DAB2: variants seen among roughly 807,000 people sequenced by gnomAD.
DAB2 encodes DAB adaptor protein 2.
DAB2 carries 28 observed loss-of-function variants against 71.6 expected under a neutral mutation model. That is an observed-to-expected ratio of 0.39 (90% confidence interval 0.29 to 0.54). The LOEUF (loss-of-function observed/expected upper bound fraction) is 0.54. DAB2 is among the 20% of genes least tolerant of loss of function. The pLI, the probability that DAB2 is intolerant of heterozygous loss-of-function variation, is 0.68. For missense variants in DAB2, 867 were observed against 928.8 expected, an observed-to-expected ratio of 0.93 and a Z score of 0.86; for synonymous variants, 345 against 339.7, an observed-to-expected ratio of 1.02 and a Z score of -0.17.
intron 1 of DAB2, among the ~76,000 whole-genome samples, chr5:39,423,032 T>C (rs2112121051): frequency 6.6e-6 from 1 of 152,308 alleles, no homozygotes; most frequent in Admixed American, 6.5e-5. Flanking sequence ...CATACGTGTA[T>C]GGGCTCAAAG....
intron 7 of DAB2, 76 bp from the exon 8 acceptor site, chr5:39,388,928 C>A (rs2112050719): frequency 7.3e-7 from 1 of 1,374,030 alleles, no homozygotes; most frequent in African/African-American, 1.4e-5. Context: ...TATTAGTCTG[C>A]TAAGCAGCAA....
intron 1 of DAB2, among the ~76,000 whole-genome samples, chr5:39,411,209 T>A (rs1355514112): frequency 6.6e-6 from 1 of 152,176 alleles, no homozygotes; most frequent in Admixed American, 6.6e-5. Flanking sequence ...AATACTCATA[T>A]TTATATTGAA....
At chr5:39,378,789 T>C (rs1467556094) in intron 11 of DAB2, among the ~76,000 whole-genome samples, 1 of 152,234 alleles carries the variant, frequency 6.6e-6, no homozygotes, top group African/African-American at 2.4e-5. Context: ...ATTCTCCTGT[T>C]CTGCTTCCTT....
Position 39,381,456 on chromosome 5 carries a change from A to T in DAB2, c.1502T>A (p.Leu501Gln). Residue 501 changes from leucine to glutamine, a missense_variant and splice_region_variant, in exon 11 of 15, where the codon CTA becomes CAA. Transcript: ENST00000320816. Reference sequence around the variant, plus strand: ...TAATTTTATCTCTAGGCACCTACCTAGACCCACCAGGGGCCCCACTGGGGC... The same window carrying T: ...TAATTTTATCTCTAGGCACCTACCTTGACCCACCAGGGGCCCCACTGGGGC... ...APAPVGPLVG[L>Q]GGVTVTLPQA... is the part of the protein sequence containing the mutation. 1.9e-6 allele frequency: 3 copies of T among 1,613,848 alleles called. No individual in the cohort carries two copies. Among genetic ancestry groups the T allele is most frequent in the Non-Finnish European group, 2.5e-6 (3 of 1,179,886 alleles).
chr5:39,383,212 A>G lies in DAB2; in HGVS notation c.747T>C (p.Ser249=), dbSNP rs763173816. ...LNSEIDTNQN[S]LRENPFLTNG... ...TTGTTAAGAATGGATTTTCTCTTAAAGAATTCTGATTGGTGTCGATTTCAG... is the reference window on the plus strand; with the variant it reads ...TTGTTAAGAATGGATTTTCTCTTAAGGAATTCTGATTGGTGTCGATTTCAG... The change falls in exon 10 of 15, where the codon TCT becomes TCC. Residue 249 remains serine, a synonymous_variant. Coordinates refer to ENST00000320816, the MANE Select transcript of DAB2 (RefSeq NM_001343.4). 15 of 1,613,882 alleles carry G rather than the reference A, an allele frequency of 9.3e-6. No homozygotes were observed. In the African/African-American group the frequency reaches 1.6e-4, roughly 17 times the overall value.
chr5:39,387,680 C>T (rs1226895577), intron 9 of DAB2: 1 of 109,208 alleles, frequency 9.2e-6, no homozygotes, highest in East Asian at 2.3e-4. Context: ...GACCTCTTTC[C>T]TTTTTATTTT....
intron 1 of DAB2, among the ~76,000 whole-genome samples, chr5:39,409,052 C>A (rs1244337017): frequency 1.3e-5 from 2 of 151,710 alleles, no homozygotes; most frequent in Admixed American, 6.6e-5. Context: ...TATAATAATA[C>A]CACATGAGTC....
At chr5:39,388,961 C>G in intron 7 of DAB2, 109 bp from the exon 8 acceptor site, 1 of 1,305,004 alleles carries the variant, frequency 7.7e-7, no homozygotes, top group Non-Finnish European at 1.1e-6. Flanking sequence ...CATCTTTTAA[C>G]TAAACATCTT....
intron 11 of DAB2, among the ~76,000 whole-genome samples, chr5:39,379,100 T>TTA (rs1754896296): frequency 1.3e-5 from 2 of 152,208 alleles, no homozygotes; most frequent in African/African-American, 4.8e-5. Flanking sequence ...TCTTTCATGT[T>TTA]GGACAACTTG....
At chr5:39,396,136 A>G (rs1159463098) in intron 1 of DAB2, among the ~76,000 whole-genome samples, 1 of 151,604 alleles carries the variant, frequency 6.6e-6, no homozygotes, top group South Asian at 2.1e-4. Context: ...TTCAGTAGAG[A>G]CGGAGTTTCA....
intron 7 of DAB2, 43 bp from the exon 8 acceptor site, chr5:39,388,895 C>G: frequency 6.5e-7 from 1 of 1,543,132 alleles, no homozygotes; most frequent in Non-Finnish European, 9.0e-7. Flanking sequence ...TGAGCTTTGT[C>G]TATAAAATGT....
intron 1 of DAB2, among the ~76,000 whole-genome samples, chr5:39,412,675 T>C (rs368004112): frequency 6.6e-6 from 1 of 152,112 alleles, no homozygotes; most frequent in East Asian, 1.9e-4. Flanking sequence ...TTTTAAAAGT[T>C]AAATTTACCT....
chr5:39,385,837 A>G (rs1755087806), intron 9 of DAB2, among the ~76,000 whole-genome samples: 1 of 152,140 alleles, frequency 6.6e-6, no homozygotes, highest in Non-Finnish European at 1.5e-5. Context: ...AAATTTCCAA[A>G]TGATCCACAA....
At position 39,393,213 on chromosome 5, in the gene DAB2, T is replaced by A. The variant is rs1235576484; in HGVS notation, c.231+41A>T. The A allele has an allele frequency of 1.9e-6, 3 of 1,597,530 alleles. No individual in the cohort carries two copies. In the East Asian group the frequency reaches 6.7e-5, roughly 36 times the overall value. ...TCTAATATAATTCCCTCTCTTGGAC[T>A]TTTGCTTAATATACAGATAAAGCAT... On this transcript the variant is annotated intron_variant, in intron 3 of 14. Transcript: ENST00000320816.
intron 1 of DAB2, among the ~76,000 whole-genome samples, chr5:39,424,184 A>C (rs999734930): frequency 1.3e-5 from 2 of 152,028 alleles, no homozygotes; most frequent in African/African-American, 4.8e-5. Flanking sequence ...CTTTTTAACC[A>C]GCTTACAACA....
intron 9 of DAB2, among the ~76,000 whole-genome samples, chr5:39,386,269 A>G (rs1341645479): frequency 6.6e-6 from 1 of 152,184 alleles, no homozygotes; most frequent in East Asian, 1.9e-4. Flanking sequence ...ATTATTTGAA[A>G]CTCATAAAAC....
At chr5:39,411,807 G>T (rs1755739540) in intron 1 of DAB2, among the ~76,000 whole-genome samples, 4 of 152,118 alleles carry the variant, frequency 2.6e-5, no homozygotes, top group Admixed American at 2.6e-4. Context: ...GAGCCTTTTA[G>T]TAAAGCAAAA....
intron 1 of DAB2, among the ~76,000 whole-genome samples, chr5:39,413,614 C>T (rs1050790413): frequency 9.9e-5 from 15 of 152,008 alleles, no homozygotes; most frequent in South Asian, 2.1e-4. Context: ...TGATTTTTCC[C>T]AATTTATATA....
Position 39,415,718 on chromosome 5 carries a change from C to A in DAB2, c.-102+9086G>T, listed in dbSNP as rs534975865. 3.3e-5 allele frequency among the ~76,000 whole-genome samples: 5 copies of A among 152,286 alleles called. No individual in the cohort carries two copies. In the South Asian group the frequency reaches 1.0e-3, roughly 32 times the overall value. ...TGTCAGTCTTCAAGGAAATGGACTT[C>A]ATGATCAATACAAGTAGTGAGCCCT... On this transcript the variant is annotated intron_variant, in intron 1 of 14. Transcript: ENST00000320816.
Sources: allele counts gnomAD v4.1 joint callset (sites outside exome capture counted in the v4.1 genomes callset), GRCh38; gene constraint gnomAD v4.1.1; transcripts MANE v1.5; gene names NCBI Gene and HGNC (gene_info 2026-07-23, HGNC 2026-07-21).